The following CCDC30 variants were observed in gnomAD, a reference collection of about 807,000 sequenced individuals.
CCDC30 encodes the protein coiled-coil domain-containing protein 30.
A neutral mutation model predicts 100.2 loss-of-function variants in CCDC30; 70 were observed. The observed-to-expected ratio is 0.70, with a 90% confidence interval of 0.58 to 0.85. The LOEUF (loss-of-function observed/expected upper bound fraction) is 0.85. CCDC30 is among the 40% of genes least tolerant of loss of function. CCDC30 has a pLI of 0.00. For synonymous variants in CCDC30, 233 were observed against 269.5 expected, an observed-to-expected ratio of 0.86 and a Z score of 1.33; for missense variants, 652 against 771.2, an observed-to-expected ratio of 0.85 and a Z score of 1.83.
In CCDC30 at chr1:42,556,516, T is replaced by C. The variant is rs112860840; in HGVS notation, c.457-9780T>C. On this transcript the variant is annotated intron_variant, in intron 6 of 16. Coordinates refer to ENST00000668663, the Ensembl canonical transcript of CCDC30. ...ATATATATGTTTTTTTTTATTTTTT[T>C]AGGTACATAGTAGATGTGTGTATTT... 2.1e-5 allele frequency: 25 copies of C among 1,201,646 alleles called. 1 individual carries two copies. The African/African-American group carries it at 3.1e-4, about 15-fold the overall frequency. The allele number at this position is 1,201,646 out of a possible 1,614,324, so 74.4% of individuals were successfully genotyped here. A position where few individuals can be genotyped will look rare whatever the true frequency, so the allele number is the denominator to read the frequency against.
intron 6 of CCDC30, among the ~76,000 whole-genome samples, chr1:42,543,960 C>A (rs1645069707): frequency 6.6e-6 from 1 of 152,214 alleles, no homozygotes; most frequent in Non-Finnish European, 1.5e-5. Context: ...CATTTTCAGA[C>A]AGGCTCAGGA....
chr1:42,544,039 T>A (rs1041459120), intron 6 of CCDC30, among the ~76,000 whole-genome samples: 4 of 152,176 alleles, frequency 2.6e-5, no homozygotes, highest in African/African-American at 7.2e-5. Context: ...CCTTTCTTAT[T>A]TTTTATTCCA....
At chr1:42,537,210 C>CG (rs1569957761) in intron 6 of CCDC30, 1 of 456,166 alleles carries the variant, frequency 2.2e-6, no homozygotes. Flanking sequence ...GCTTATCGCT[C>CG]GTTTTAACTT....
intron 9 of CCDC30, among the ~76,000 whole-genome samples, chr1:42,586,801 T>C (rs1317096169): frequency 6.6e-6 from 1 of 152,114 alleles, no homozygotes; most frequent in Non-Finnish European, 1.5e-5. Flanking sequence ...TATGATTAGT[T>C]TGCAATTTAG....
intron 11 of CCDC30, among the ~76,000 whole-genome samples, chr1:42,627,902 C>T (rs150273210): frequency 6.6e-6 from 1 of 152,320 alleles, no homozygotes; most frequent in Non-Finnish European, 1.5e-5. Flanking sequence ...GGGGTTGGAG[C>T]CTCCACACAG....
At chr1:42,457,084 T>C in the CCDC30 span, 1 of 1,586,452 alleles carries the variant, frequency 6.3e-7, no homozygotes, top group East Asian at 2.2e-5. Flanking sequence ...GTGCGTGCCC[T>C]AGGAGTACCC....
chr1:42,556,135 T>C (rs969392021), intron 6 of CCDC30, 21 bp from the exon 10 acceptor site: 1 of 1,596,448 alleles, frequency 6.3e-7, no homozygotes. Context: ...TGATAGATTT[T>C]ATTCTTATAT....
At chr1:42,468,460 T>C (rs887502688) in intron 1 of CCDC30, among the ~76,000 whole-genome samples, 1 of 152,250 alleles carries the variant, frequency 6.6e-6, no homozygotes, top group African/African-American at 2.4e-5. Context: ...TAATTCCATT[T>C]ACACCCATTG....
intron 12 of CCDC30, among the ~76,000 whole-genome samples, chr1:42,639,030 A>T (rs868804959): frequency 6.6e-6 from 1 of 152,300 alleles, no homozygotes. Context: ...CCAGAAAAAC[A>T]GTCTTCTGCT....
the CCDC30 span, chr1:42,456,661 G>A: frequency 1.9e-6 from 3 of 1,600,088 alleles, no homozygotes; most frequent in Admixed American, 1.7e-5. Flanking sequence ...GGCTGGGCGC[G>A]CAGGGCCGGC....
At chr1:42,465,711 T>C (rs948368892) in intron 1 of CCDC30, among the ~76,000 whole-genome samples, 4 of 152,184 alleles carry the variant, frequency 2.6e-5, no homozygotes, top group African/African-American at 9.7e-5. Context: ...TTTTGCCCCC[T>C]GTGAGACATT....
chr1:42,608,211 G>C (rs1209183564), intron 10 of CCDC30, among the ~76,000 whole-genome samples: 3 of 152,164 alleles, frequency 2.0e-5, no homozygotes, highest in Middle Eastern at 3.2e-3. Context: ...GGCCCTTTAA[G>C]GCTCATCACA....
chr1:42,653,799 C>T lies in CCDC30; in HGVS notation c.1923-19C>T. The T allele has an allele frequency of 6.3e-7, 1 of 1,588,046 alleles. No homozygotes were observed. Among genetic ancestry groups the T allele is most frequent in the Non-Finnish European group, 8.6e-7 (1 of 1,156,910 alleles). On this transcript the variant is annotated intron_variant, in intron 16 of 16. Coordinates refer to ENST00000668663, the Ensembl canonical transcript of CCDC30. ...ACAAACTCTATGTACATGATGTCCT[C>T]ACATATGGCATTTCTTAGTTTTTCA...
intron 6 of CCDC30, among the ~76,000 whole-genome samples, chr1:42,535,696 C>CTA (rs1300792818): frequency 0.069 from 49 of 708 alleles, 8 homozygotes; most frequent in African/African-American, 0.21. Flanking sequence ...CCCATCACTA[C>CTA]TATATATATA....
intron 6 of CCDC30, among the ~76,000 whole-genome samples, chr1:42,501,693 G>A (rs924446284): frequency 1.3e-5 from 2 of 152,162 alleles, no homozygotes; most frequent in African/African-American, 4.8e-5. Flanking sequence ...CTCAGCTGCA[G>A]GTCTCTTGGA....
chr1:42,644,631 T>G, intron 13 of CCDC30, 62 bp from the exon 18 acceptor site: 1 of 988,236 alleles, frequency 1.0e-6, no homozygotes, highest in South Asian at 1.3e-5. Context: ...GGGATGTAGT[T>G]TTGGGTTTTT....
At chr1:42,568,115 TTTTG>T (rs879607505) in intron 7 of CCDC30, among the ~76,000 whole-genome samples, 53 of 152,208 alleles carry the variant, frequency 3.5e-4, no homozygotes, top group African/African-American at 1.1e-3. Context: ...CTTTATCTCT[TTTTG>T]TTTGTTTGTT....
intron 7 of CCDC30, among the ~76,000 whole-genome samples, chr1:42,568,363 G>C (rs1211441148): frequency 6.6e-6 from 1 of 152,040 alleles, no homozygotes; most frequent in East Asian, 1.9e-4. Context: ...GATCCTTCCG[G>C]CTTAGCTTCC....
chr1:42,611,028 A>G (rs922955563), exon 11 of CCDC30: 2 of 1,613,276 alleles, frequency 1.2e-6, no homozygotes, highest in Admixed American at 1.7e-5. Flanking sequence ...AGCTACAGCA[A>G]GAGAAGGAAG....
Sources: allele counts gnomAD v4.1 joint callset (sites outside exome capture counted in the v4.1 genomes callset), GRCh38; gene constraint gnomAD v4.1.1; transcripts MANE v1.5; gene names NCBI Gene and HGNC (gene_info 2026-07-23, HGNC 2026-07-21).